GPM6A: variants seen among roughly 807,000 people sequenced by gnomAD.
GPM6A encodes glycoprotein M6A.
A neutral mutation model predicts 32.1 loss-of-function variants in GPM6A; 7 were observed. That is an observed-to-expected ratio of 0.22 (90% CI 0.12 to 0.41). The LOEUF (loss-of-function observed/expected upper bound fraction) is 0.41. Among genes scored for constraint, GPM6A ranks in the 10% least tolerant of loss-of-function variants. The pLI is 1.00. For missense variants in GPM6A, 235 were observed against 347.2 expected, an observed-to-expected ratio of 0.68 and a Z score of 2.57; for synonymous variants, 130 against 123.4, an observed-to-expected ratio of 1.05 and a Z score of -0.35.
At chr4:175,949,396 T>C (rs78562277) in intron 1 of GPM6A, among the ~76,000 whole-genome samples, 24,710 of 152,020 alleles carry the variant, frequency 0.16, 2,523 homozygotes, top group African/African-American at 0.29. Context: ...AACTCTTAAC[T>C]GCAAGTGATC....
At chr4:175,756,688 G>C (rs1247364036) in intron 1 of GPM6A, among the ~76,000 whole-genome samples, 1 of 151,846 alleles carries the variant, frequency 6.6e-6, no homozygotes, top group Non-Finnish European at 1.5e-5. Context: ...CTCAGAACTA[G>C]GTATATGAAC....
intron 1 of GPM6A, chr4:175,872,581 T>C (rs989704837): frequency 2.6e-5 from 4 of 152,226 alleles, no homozygotes; most frequent in East Asian, 3.8e-4. Context: ...GAAGAAACAT[T>C]ATAAATTCCT....
intron 1 of GPM6A, among the ~76,000 whole-genome samples, chr4:175,918,954 T>C (rs1738582197): frequency 6.6e-6 from 1 of 151,978 alleles, no homozygotes; most frequent in Admixed American, 6.6e-5. Context: ...ATTTAAATAA[T>C]ATGGAGAAAG....
intron 1 of GPM6A, among the ~76,000 whole-genome samples, chr4:175,972,970 G>T (rs949191973): frequency 6.6e-6 from 1 of 152,156 alleles, no homozygotes; most frequent in Non-Finnish European, 1.5e-5. Context: ...ATGAATGGAT[G>T]ATCACATGAC....
intron 2 of GPM6A, among the ~76,000 whole-genome samples, chr4:175,679,771 A>T (rs933649612): frequency 3.3e-5 from 5 of 152,124 alleles, no homozygotes; most frequent in African/African-American, 1.2e-4. Flanking sequence ...ACAATAGCTC[A>T]TTATTTTGGT....
At chr4:175,958,371 G>A (rs761089739) in intron 1 of GPM6A, among the ~76,000 whole-genome samples, 1 of 152,176 alleles carries the variant, frequency 6.6e-6, no homozygotes, top group Admixed American at 6.5e-5. Flanking sequence ...TGATTCAGAG[G>A]CATGTTTACT....
At chr4:175,902,476 A>G (rs755934140) in intron 1 of GPM6A, among the ~76,000 whole-genome samples, 2 of 152,210 alleles carry the variant, frequency 1.3e-5, no homozygotes, top group Non-Finnish European at 2.9e-5. Flanking sequence ...TGGGGGCCAG[A>G]CATGTTCAAC....
At chr4:175,940,109 C>T (rs1294107335) in intron 1 of GPM6A, among the ~76,000 whole-genome samples, 1 of 151,918 alleles carries the variant, frequency 6.6e-6, no homozygotes, top group Non-Finnish European at 1.5e-5. Flanking sequence ...TTAAAAATGC[C>T]TGGTAGACTA....
intron 1 of GPM6A, among the ~76,000 whole-genome samples, chr4:175,712,432 G>T (rs147567192): frequency 6.6e-6 from 1 of 152,320 alleles, no homozygotes; most frequent in East Asian, 1.9e-4. Flanking sequence ...TGGACAATAA[G>T]TGTCTTAGAA....
chr4:175,730,851 TA>T (rs1296219777), intron 1 of GPM6A, among the ~76,000 whole-genome samples: 1 of 152,130 alleles, frequency 6.6e-6, no homozygotes, highest in Non-Finnish European at 1.5e-5. Flanking sequence ...AGTTCTCATC[TA>T]AACTGCCCAC....
At chr4:175,972,905 T>C (rs1579677019) in intron 1 of GPM6A, among the ~76,000 whole-genome samples, 2 of 152,158 alleles carry the variant, frequency 1.3e-5, no homozygotes, top group Admixed American at 6.5e-5. Context: ...CTCAGATCCA[T>C]GGGGCAGTCA....
At chr4:175,879,833 T>C (rs1231274549) in intron 1 of GPM6A, among the ~76,000 whole-genome samples, 1 of 152,140 alleles carries the variant, frequency 6.6e-6, no homozygotes, top group Non-Finnish European at 1.5e-5. Flanking sequence ...TATTGAATGT[T>C]TGAGAAAACA....
chr4:175,669,023 G>T (rs1579363065), intron 3 of GPM6A, among the ~76,000 whole-genome samples: 1 of 152,218 alleles, frequency 6.6e-6, no homozygotes, highest in East Asian at 1.9e-4. Flanking sequence ...TCCTCTCCAG[G>T]AGGCAGCTTC....
intron 1 of GPM6A, among the ~76,000 whole-genome samples, chr4:175,921,808 G>A (rs760874964): frequency 5.9e-5 from 9 of 152,092 alleles, no homozygotes; most frequent in Non-Finnish European, 1.3e-4. Context: ...TTATTGGAGT[G>A]TACCATATTT....
intron 2 of GPM6A, among the ~76,000 whole-genome samples, chr4:175,699,936 G>A (rs1002097157): frequency 6.6e-5 from 10 of 151,832 alleles, no homozygotes; most frequent in African/African-American, 1.9e-4. Context: ...ACTCTGTTGC[G>A]AAGGCTGGAG....
rs1741351585 is a variant in GPM6A at position 175,644,667 on chromosome 4, C to A, written c.542-3838G>T. Among the ~76,000 whole-genome samples the A allele has an allele frequency of 2.0e-5, 3 of 151,622 alleles. No homozygotes were observed. The South Asian group carries it at 6.2e-4, about 31-fold the overall frequency. ...TCTATGAATGGCCAAATTGTTCTCACCAAAAATTAAGAACATTATTCAAAT... is the reference window on the plus strand; with the variant it reads ...TCTATGAATGGCCAAATTGTTCTCAACAAAAATTAAGAACATTATTCAAAT... On this transcript the variant is annotated intron_variant, in intron 4 of 6. Transcript: ENST00000393658.
At chr4:175,640,883 G>A in intron 4 of GPM6A, 54 bp from the exon 5 acceptor site, 4 of 1,156,748 alleles carry the variant, frequency 3.5e-6, no homozygotes, top group Admixed American at 3.7e-5. Context: ...GAAGAGCCAA[G>A]AGAGAAAAAA....
intron 1 of GPM6A, among the ~76,000 whole-genome samples, chr4:175,928,958 C>A (rs901770370): frequency 1.2e-4 from 19 of 152,152 alleles, no homozygotes; most frequent in African/African-American, 4.3e-4. Context: ...ATTTTAAGCA[C>A]ATTTCAACAA....
intron 1 of GPM6A, among the ~76,000 whole-genome samples, chr4:175,717,441 A>G (rs534957866): frequency 1.2e-4 from 18 of 152,102 alleles, no homozygotes; most frequent in Admixed American, 3.3e-4. Flanking sequence ...TTATTTTTTA[A>G]TTATGCATTT....
Sources: allele counts gnomAD v4.1 joint callset (sites outside exome capture counted in the v4.1 genomes callset), GRCh38; gene constraint gnomAD v4.1.1; transcripts MANE v1.5; gene names NCBI Gene and HGNC (gene_info 2026-07-23, HGNC 2026-07-21).